FRMD4A: variants seen among roughly 807,000 people sequenced by gnomAD.
FRMD4A encodes the protein FERM domain containing 4A.
A neutral mutation model predicts 129.1 loss-of-function variants in FRMD4A; 29 were observed. The observed-to-expected ratio is 0.22, with a 90% CI of 0.17 to 0.31. The LOEUF (loss-of-function observed/expected upper bound fraction) is 0.31. Ranked by LOEUF, FRMD4A falls within the 10% of genes least tolerant of loss-of-function variation. FRMD4A has a pLI of 1.00. For synonymous variants in FRMD4A, 634 were observed against 571.6 expected, an observed-to-expected ratio of 1.11 and a Z score of -1.56; for missense variants, 1,272 against 1,375.8, an observed-to-expected ratio of 0.92 and a Z score of 1.19.
At chr10:14,242,838 A>T (rs1195453935) in intron 2 of FRMD4A, among the ~76,000 whole-genome samples, 1 of 152,236 alleles carries the variant, frequency 6.6e-6, no homozygotes, top group African/African-American at 2.4e-5. Context: ...GCTCCTTAAA[A>T]AATTAAAGAT....
intron 8 of FRMD4A, among the ~76,000 whole-genome samples, chr10:13,748,490 T>C (rs1014436513): frequency 6.6e-6 from 1 of 152,160 alleles, no homozygotes; most frequent in African/African-American, 2.4e-5. Flanking sequence ...AAATCCAAAG[T>C]GCTCAAATGA....
chr10:13,668,719 C>G (rs944598076), intron 17 of FRMD4A, among the ~76,000 whole-genome samples: 1 of 152,198 alleles, frequency 6.6e-6, no homozygotes, highest in Non-Finnish European at 1.5e-5. Context: ...GTTGGGGGAA[C>G]TCCCTAAAAG....
At chr10:14,082,878 A>C (rs1056002271) in intron 2 of FRMD4A, 8 of 152,200 alleles carry the variant, frequency 5.3e-5, no homozygotes, top group Non-Finnish European at 1.0e-4. Context: ...AATGTTCACT[A>C]TTTTGTTCCC....
chr10:13,716,814 G>A (rs2088853433), intron 12 of FRMD4A, among the ~76,000 whole-genome samples: 1 of 152,150 alleles, frequency 6.6e-6, no homozygotes, highest in Admixed American at 6.5e-5. Flanking sequence ...TGATTTCCTT[G>A]TAATTTTCTC....
intron 3 of FRMD4A, among the ~76,000 whole-genome samples, chr10:13,837,889 T>C (rs4748060): frequency 0.82 from 124,533 of 152,112 alleles, 51,165 homozygotes; most frequent in East Asian, 0.96. Context: ...CCTGTTCTGA[T>C]GACATGACAG....
At chr10:13,845,447 T>G (rs1025966011) in intron 3 of FRMD4A, among the ~76,000 whole-genome samples, 1 of 152,224 alleles carries the variant, frequency 6.6e-6, no homozygotes, top group African/African-American at 2.4e-5. Context: ...AAGCCTTGCA[T>G]GAAATCGTAT....
At chr10:13,967,160 C>A (rs2095490337) in intron 2 of FRMD4A, among the ~76,000 whole-genome samples, 1 of 152,184 alleles carries the variant, frequency 6.6e-6, no homozygotes. Context: ...CACGGTGAAA[C>A]CCTGTCTCTA....
intron 2 of FRMD4A, among the ~76,000 whole-genome samples, chr10:14,296,833 G>C (rs1459241141): frequency 6.6e-6 from 1 of 152,138 alleles, no homozygotes; most frequent in Admixed American, 6.5e-5. Flanking sequence ...GGGAAATGAA[G>C]CGCATACAAC....
intron 2 of FRMD4A, among the ~76,000 whole-genome samples, chr10:14,261,936 C>A (rs1305234123): frequency 8.1e-6 from 1 of 123,404 alleles, no homozygotes. Context: ...TTTCTCACCA[C>A]ACCAAACACA....
intron 15 of FRMD4A, among the ~76,000 whole-genome samples, chr10:13,677,421 C>T (rs75549209): frequency 0.016 from 2,499 of 152,296 alleles, 82 homozygotes; most frequent in African/African-American, 0.057. Context: ...TTTGTTCCAT[C>T]GTGGAACCTA....
intron 2 of FRMD4A, among the ~76,000 whole-genome samples, chr10:14,163,388 C>T (rs1481746672): frequency 6.6e-6 from 1 of 152,120 alleles, no homozygotes; most frequent in Non-Finnish European, 1.5e-5. Flanking sequence ...TTAATTTACC[C>T]AATCGCTATC....
intron 2 of FRMD4A, among the ~76,000 whole-genome samples, chr10:14,211,145 AT>A (rs1300862782): frequency 6.6e-6 from 1 of 152,218 alleles, no homozygotes; most frequent in Non-Finnish European, 1.5e-5. Context: ...TACTAGTCAA[AT>A]AAATTAATGT....
At chr10:13,983,224 T>G (rs2095568485) in intron 2 of FRMD4A, among the ~76,000 whole-genome samples, 1 of 152,204 alleles carries the variant, frequency 6.6e-6, no homozygotes, top group African/African-American at 2.4e-5. Flanking sequence ...GTGAAATATT[T>G]ACTTAACCCA....
Position 13,794,988 on chromosome 10 carries a change from C to T in FRMD4A, c.299+1508G>A, listed in dbSNP as rs151238754. Among the ~76,000 whole-genome samples the T allele has an allele frequency of 1.1e-3, 162 of 152,310 alleles. 4 individuals carry two copies. The East Asian group carries it at 0.019, about 18-fold the overall frequency. ...TTCCACCACCAACGTCAAGGTGCCC[C>T]AAGCTCTCCTGCAAGGACGTCCACA... On this transcript the variant is annotated intron_variant, in intron 5 of 24. Transcript: ENST00000357447.
At chr10:14,266,195 G>A (rs1173670732) in intron 2 of FRMD4A, among the ~76,000 whole-genome samples, 1 of 152,040 alleles carries the variant, frequency 6.6e-6, no homozygotes, top group Non-Finnish European at 1.5e-5. Flanking sequence ...GTGCATTGTA[G>A]GATGTTAAGC....
intron 14 of FRMD4A, among the ~76,000 whole-genome samples, chr10:13,700,533 G>A (rs940888055): frequency 2.0e-5 from 3 of 152,194 alleles, no homozygotes; most frequent in Admixed American, 6.5e-5. Flanking sequence ...AAGCCAGCAG[G>A]ATCTTGAGAG....
intron 12 of FRMD4A, among the ~76,000 whole-genome samples, chr10:13,718,975 G>GAATGAA (rs1284034393): frequency 2.2e-4 from 33 of 152,058 alleles, no homozygotes; most frequent in Non-Finnish European, 3.4e-4. Flanking sequence ...TGTTGAGTGA[G>GAATGAA]TGAATGAATG....
At chr10:13,697,480 G>A (rs982797913) in intron 14 of FRMD4A, among the ~76,000 whole-genome samples, 15 of 152,114 alleles carry the variant, frequency 9.9e-5, no homozygotes, top group Non-Finnish European at 1.8e-4. Flanking sequence ...ATATCACAGC[G>A]ACCTAACAGA....
At chr10:13,780,081 T>C (rs988980265) in intron 6 of FRMD4A, among the ~76,000 whole-genome samples, 5 of 152,164 alleles carry the variant, frequency 3.3e-5, no homozygotes, top group African/African-American at 9.7e-5. Flanking sequence ...ATCCCAACAC[T>C]TTGGGAGGCC....
Sources: allele counts gnomAD v4.1 joint callset (sites outside exome capture counted in the v4.1 genomes callset), GRCh38; gene constraint gnomAD v4.1.1; transcripts MANE v1.5; gene names NCBI Gene and HGNC (gene_info 2026-07-23, HGNC 2026-07-21).